The following GALNT13 variants were observed in gnomAD, a reference collection of about 807,000 sequenced individuals.
GALNT13 encodes UDP-GalNAc:polypeptide N-acetylgalactosaminyltransferase 13.
A neutral mutation model predicts 64.2 loss-of-function variants in GALNT13; 28 were observed. The observed-to-expected ratio is 0.44, with a 90% CI of 0.32 to 0.60. GALNT13 has a LOEUF of 0.60. Among genes scored for constraint, GALNT13 ranks in the 20% least tolerant of loss-of-function variants. GALNT13 has a pLI of 0.05. For missense variants in GALNT13, 577 were observed against 669.8 expected (o/e 0.86, Z 1.53); for synonymous variants, 214 against 224.6 (o/e 0.95, Z 0.42).
chr2:153,630,644 A>G, the GALNT13 span, among the ~76,000 whole-genome samples: 10 of 148,696 alleles, frequency 6.7e-5, no homozygotes, highest in African/African-American at 2.2e-4. Context: ...AACTTAAAGT[A>G]TAATTATAAT....
the GALNT13 span, among the ~76,000 whole-genome samples, chr2:153,234,169 T>A: frequency 1.2e-4 from 18 of 152,276 alleles, no homozygotes; most frequent in African/African-American, 4.3e-4. Context: ...GGATTTGGTT[T>A]GCTTGATTTG....
the GALNT13 span, among the ~76,000 whole-genome samples, chr2:153,632,025 C>T: frequency 6.6e-6 from 1 of 152,110 alleles, no homozygotes; most frequent in Admixed American, 6.6e-5. Context: ...TCACCTTTGA[C>T]ACTGTCCAAG....
At chr2:154,410,779 A>C (rs1699757075) in intron 11 of GALNT13, among the ~76,000 whole-genome samples, 1 of 151,968 alleles carries the variant, frequency 6.6e-6, no homozygotes, top group Admixed American at 6.6e-5. Flanking sequence ...CCATAATTTC[A>C]TACAGAATTT....
At chr2:154,393,319 C>T (rs1303599132) in intron 9 of GALNT13, among the ~76,000 whole-genome samples, 1 of 152,108 alleles carries the variant, frequency 6.6e-6, no homozygotes, top group Admixed American at 6.6e-5. Flanking sequence ...CTCCTCAGTC[C>T]CTGTGGCAAA....
intron 1 of GALNT13, among the ~76,000 whole-genome samples, chr2:153,875,624 G>C (rs11893783): frequency 0.51 from 76,824 of 151,952 alleles, 20,542 homozygotes; most frequent in East Asian, 0.9. Context: ...TTAGGAAAGG[G>C]GTGAGATAAG....
At chr2:153,834,277 C>A in the GALNT13 span, among the ~76,000 whole-genome samples, 1 of 152,004 alleles carries the variant, frequency 6.6e-6, no homozygotes, top group Non-Finnish European at 1.5e-5. Flanking sequence ...TGGAAAGTTG[C>A]CAGAGGCCAG....
chr2:153,637,224 A>G, the GALNT13 span, among the ~76,000 whole-genome samples: 3 of 152,258 alleles, frequency 2.0e-5, no homozygotes, highest in African/African-American at 4.8e-5. Flanking sequence ...GAGCGTATCT[A>G]TATGATGTAT....
chr2:154,328,670 A>C (rs1470071841), intron 9 of GALNT13, among the ~76,000 whole-genome samples: 1 of 152,108 alleles, frequency 6.6e-6, no homozygotes, highest in Non-Finnish European at 1.5e-5. Flanking sequence ...CACGGCATAT[A>C]CCTACAGGTA....
chr2:153,278,231 G>T, the GALNT13 span, among the ~76,000 whole-genome samples: 1 of 151,952 alleles, frequency 6.6e-6, no homozygotes, highest in African/African-American at 2.4e-5. Flanking sequence ...CCGTGTTTAA[G>T]TTTCTTAAAG....
chr2:153,247,813 A>T, the GALNT13 span, among the ~76,000 whole-genome samples: 1 of 152,108 alleles, frequency 6.6e-6, no homozygotes, highest in African/African-American at 2.4e-5. Flanking sequence ...TACATAGACC[A>T]CTATCTAAAC....
the GALNT13 span, among the ~76,000 whole-genome samples, chr2:153,583,266 A>G: frequency 1.3e-5 from 2 of 152,220 alleles, no homozygotes; most frequent in South Asian, 4.1e-4. Context: ...TTGTTTCAAC[A>G]TGTGTGCTAA....
chr2:153,840,437 C>T, the GALNT13 span, among the ~76,000 whole-genome samples: 1 of 151,944 alleles, frequency 6.6e-6, no homozygotes, highest in Non-Finnish European at 1.5e-5. Context: ...AAGCAATAAC[C>T]TTCTGGGCAG....
the GALNT13 span, among the ~76,000 whole-genome samples, chr2:153,770,177 C>G: frequency 8.2e-5 from 12 of 147,080 alleles, no homozygotes; most frequent in Admixed American, 7.5e-4. Context: ...CCCGCCCCCC[C>G]ACACCCCGGC....
At chr2:153,293,816 A>G in the GALNT13 span, among the ~76,000 whole-genome samples, 1 of 150,750 alleles carries the variant, frequency 6.6e-6, no homozygotes, top group Non-Finnish European at 1.5e-5. Flanking sequence ...TGTGTGAGAC[A>G]GGGTTTTACT....
At chr2:153,605,014 G>A in the GALNT13 span, among the ~76,000 whole-genome samples, 5 of 151,946 alleles carry the variant, frequency 3.3e-5, no homozygotes, top group Non-Finnish European at 7.4e-5. Context: ...TCCAAGCCAG[G>A]ACCAAAATTC....
At chr2:154,149,246 G>A (rs574229493) in intron 4 of GALNT13, among the ~76,000 whole-genome samples, 38 of 152,172 alleles carry the variant, frequency 2.5e-4, no homozygotes, top group African/African-American at 8.2e-4. Context: ...GTAGATATGC[G>A]GCGTTATTTC....
At chr2:153,210,513 G>A in the GALNT13 span, among the ~76,000 whole-genome samples, 1 of 152,074 alleles carries the variant, frequency 6.6e-6, no homozygotes, top group Non-Finnish European at 1.5e-5. Context: ...AGTGGATCAT[G>A]ATATTTTATT....
At chr2:154,386,978 G>T (rs185991838) in intron 9 of GALNT13, among the ~76,000 whole-genome samples, 12 of 152,184 alleles carry the variant, frequency 7.9e-5, no homozygotes, top group Admixed American at 7.9e-4. Context: ...ACAGCTCTGT[G>T]CAGAAGCTAT....
intron 3 of GALNT13, among the ~76,000 whole-genome samples, chr2:154,034,649 A>G (rs1698547448): frequency 6.6e-6 from 1 of 152,158 alleles, no homozygotes; most frequent in African/African-American, 2.4e-5. Flanking sequence ...CCATTTATTA[A>G]TGTACACATT....
Sources: allele counts gnomAD v4.1 joint callset (sites outside exome capture counted in the v4.1 genomes callset), GRCh38; gene constraint gnomAD v4.1.1; transcripts MANE v1.5; gene names NCBI Gene and HGNC (gene_info 2026-07-23, HGNC 2026-07-21).